Variants in ATF2 observed in about 807,000 individuals in gnomAD.
ATF2 encodes the protein activating transcription factor 2, also known as cyclic AMP-dependent transcription factor ATF-2.
Under a neutral mutation model 60.6 loss-of-function variants are expected in ATF2, and 24 were observed. That is an observed-to-expected ratio of 0.40 (90% CI 0.29 to 0.56). ATF2 has a LOEUF of 0.56. ATF2 is among the 20% of genes least tolerant of loss of function. The pLI, the probability that ATF2 is intolerant of heterozygous loss-of-function variation, is 0.54. For missense variants in ATF2, 433 were observed against 607.7 expected (o/e 0.71, Z 3.02); for synonymous variants, 206 against 215.4 (o/e 0.96, Z 0.38).
intron 1 of ATF2, among the ~76,000 whole-genome samples, chr2:175,152,538 T>G (rs1037824203): frequency 6.6e-6 from 1 of 152,204 alleles, no homozygotes. Flanking sequence ...GACACTTTTC[T>G]CTACGTTTTC....
At chr2:175,083,143 C>T (rs528742450) in intron 12 of ATF2, among the ~76,000 whole-genome samples, 3 of 151,948 alleles carry the variant, frequency 2.0e-5, no homozygotes, top group African/African-American at 7.2e-5. Flanking sequence ...TTGGAAAAAA[C>T]TACTTTAAAG....
At chr2:175,087,970 G>A (rs1421033517) in intron 12 of ATF2, among the ~76,000 whole-genome samples, 1 of 151,954 alleles carries the variant, frequency 6.6e-6, no homozygotes, top group Non-Finnish European at 1.5e-5. Flanking sequence ...TGTCTTTTTC[G>A]CTGTTATCCA....
intron 2 of ATF2, among the ~76,000 whole-genome samples, chr2:175,142,757 T>C (rs1574471782): frequency 7.0e-6 from 1 of 142,128 alleles, no homozygotes; most frequent in African/African-American, 2.7e-5. Flanking sequence ...GTGTGATCAA[T>C]CTTACATAAT....
At chr2:175,137,210 A>T (rs1698198604) in intron 2 of ATF2, among the ~76,000 whole-genome samples, 1 of 152,212 alleles carries the variant, frequency 6.6e-6, no homozygotes, top group South Asian at 2.1e-4. Flanking sequence ...AACTAGCCAA[A>T]GTTCAGAGTC....
At chr2:175,079,631 T>C (rs761508595) in intron 13 of ATF2, among the ~76,000 whole-genome samples, 2 of 152,154 alleles carry the variant, frequency 1.3e-5, no homozygotes. Flanking sequence ...CGGAATCTTT[T>C]AAATTAAAAA....
chr2:175,104,234 T>G (rs1430343476), intron 10 of ATF2, among the ~76,000 whole-genome samples: 1 of 152,196 alleles, frequency 6.6e-6, no homozygotes, highest in Non-Finnish European at 1.5e-5. Context: ...CATTCTTCCA[T>G]GTTCCAATCC....
intron 7 of ATF2, among the ~76,000 whole-genome samples, chr2:175,116,976 A>G (rs1362150376): frequency 6.6e-6 from 1 of 151,964 alleles, no homozygotes; most frequent in Non-Finnish European, 1.5e-5. Flanking sequence ...ATGACATGGG[A>G]AAATATTCAT....
At chr2:175,092,734 A>G (rs1694638302) in intron 12 of ATF2, 1 of 368,864 alleles carries the variant, frequency 2.7e-6, no homozygotes, top group Admixed American at 4.2e-5. Context: ...ATAGACAAGA[A>G]AAGTGAAATA....
chr2:175,107,071 G>C (rs62184465), intron 10 of ATF2, among the ~76,000 whole-genome samples: 5,828 of 151,886 alleles, frequency 0.038, 133 homozygotes, highest in Admixed American at 0.094. Context: ...GCTGCAGTGA[G>C]CCAAGATCAT....
Position 175,093,000 on chromosome 2 carries a change from A to T in ATF2, c.1185+61T>A, listed in dbSNP as rs953806784. 55 of 1,565,462 alleles carry T rather than the reference A, an allele frequency of 3.5e-5. No individual in the cohort carries two copies. In the African/African-American group the frequency reaches 5.5e-4, roughly 16 times the overall value. ...TTTGGAGGCCCAACTAGGAAAAAAAAAATCTATGTTCACAATTATTAAAAA... is the reference window on the plus strand; with the variant it reads ...TTTGGAGGCCCAACTAGGAAAAAAATAATCTATGTTCACAATTATTAAAAA... On this transcript the variant is annotated intron_variant, in intron 12 of 13. Coordinates refer to ENST00000264110, the MANE Select transcript of ATF2 (RefSeq NM_001880.4).
intron 11 of ATF2, among the ~76,000 whole-genome samples, chr2:175,094,354 A>G (rs756501751): frequency 2.3e-4 from 33 of 143,736 alleles, no homozygotes; most frequent in Non-Finnish European, 4.1e-4. Context: ...AGATAACACC[A>G]CTGCACGCCA....
intron 2 of ATF2, among the ~76,000 whole-genome samples, chr2:175,150,602 T>C (rs1279760894): frequency 1.3e-5 from 2 of 152,126 alleles, no homozygotes; most frequent in African/African-American, 4.8e-5. Flanking sequence ...ACTTAGTTGA[T>C]ATCATTCAAT....
chr2:175,139,481 G>A (rs2105776577), intron 2 of ATF2, among the ~76,000 whole-genome samples: 1 of 152,096 alleles, frequency 6.6e-6, no homozygotes, highest in Admixed American at 6.6e-5. Context: ...AGACCAGCCT[G>A]GCCAACATGG....
At chr2:175,152,516 T>G (rs913836313) in intron 1 of ATF2, among the ~76,000 whole-genome samples, 1 of 152,146 alleles carries the variant, frequency 6.6e-6, no homozygotes, top group Admixed American at 6.5e-5. Flanking sequence ...AGGCACAATA[T>G]TCAAAGAGAA....
At chr2:175,079,474 CATATTTCTAT>C (rs1693615291) in intron 13 of ATF2, among the ~76,000 whole-genome samples, 1 of 152,032 alleles carries the variant, frequency 6.6e-6, no homozygotes, top group African/African-American at 2.4e-5. Flanking sequence ...AAATCCCAAA[CATATTTCTAT>C]ATGGTTCCAA....
chr2:175,111,449 A>C (rs1696182535), intron 10 of ATF2, 119 bp downstream of exon 10: 4 of 911,954 alleles, frequency 4.4e-6, no homozygotes, highest in Non-Finnish European at 6.5e-6. Flanking sequence ...CTATAGTATA[A>C]AACAGTCCGT....
chr2:175,127,965 A>T (rs747392687), intron 4 of ATF2, among the ~76,000 whole-genome samples: 8 of 152,154 alleles, frequency 5.3e-5, no homozygotes, highest in African/African-American at 7.2e-5. Context: ...ATGAGGACTA[A>T]ATTGGAGAAT....
Position 175,073,667 on chromosome 2 carries a change from A to G in ATF2, c.*942T>C, listed in dbSNP as rs1434099133. On this transcript the variant is annotated 3_prime_UTR_variant, in exon 14 of 14. Transcript: ENST00000264110. ...CAAGTACAAGACAATGGGGGTAAAC[A>G]GTCTTAAATTTTCTAAGTAGTAATT... The G allele has an allele frequency of 2.0e-5, 3 of 152,122 alleles. No homozygotes were observed. The East Asian group carries it at 5.8e-4, about 29-fold the overall frequency. 9.4% of individuals were successfully genotyped at this position (152,122 alleles called of 1,614,324 possible).
At chr2:175,075,845 T>C (rs80085594) in intron 13 of ATF2, among the ~76,000 whole-genome samples, 61 of 152,310 alleles carry the variant, frequency 4.0e-4, no homozygotes, top group Non-Finnish European at 6.6e-4. Context: ...CTAAACAATA[T>C]AGTTCAGCTT....
Sources: allele counts gnomAD v4.1 joint callset (sites outside exome capture counted in the v4.1 genomes callset), GRCh38; gene constraint gnomAD v4.1.1; transcripts MANE v1.5; gene names NCBI Gene and HGNC (gene_info 2026-07-23, HGNC 2026-07-21).